WDR81: variants seen among roughly 807,000 people sequenced by gnomAD.
WDR81 encodes WD repeat-containing protein 81.
Under a neutral mutation model 140.8 loss-of-function variants are expected in WDR81, and 92 were observed. That is an observed-to-expected ratio of 0.65 (90% CI 0.55 to 0.78). The LOEUF (loss-of-function observed/expected upper bound fraction) is 0.78. Among genes scored for constraint, WDR81 ranks in the 30% least tolerant of loss-of-function variants. The pLI is 0.00. For missense variants in WDR81, 2,502 were observed against 2,636.4 expected (o/e 0.95, Z 1.12); for synonymous variants, 1,183 against 1,156.4 (o/e 1.02, Z -0.47).
chr17:1,735,973 G>T lies in WDR81; in HGVS notation c.5326-66G>T. 1 of 1,531,010 alleles carries T rather than the reference G, an allele frequency of 6.5e-7. No homozygotes were observed. The highest frequency in any genetic ancestry group is 1.2e-5 in the South Asian group (1 of 80,480). 94.8% of individuals were successfully genotyped at this position (1,531,010 alleles called of 1,614,324 possible). ...TTCCTGCTGTGTGGGCTTGGGTGGT[G>T]GGCAGGGCCTTGGGGAGTGTGAGAT... is the stretch of plus-strand genomic sequence containing the variant. On this transcript the variant is annotated intron_variant, in intron 8 of 9. Transcript: ENST00000409644. This position sits in a 1 kb window ranked among gnomAD's most constrained non-coding sequence, Gnocchi z 4.2.
In WDR81 at chr17:1,733,958, C is replaced by T. The variant is rs1904616411; in HGVS notation, c.4921C>T (p.Leu1641=). The change falls in exon 7 of 10, where the codon CTG becomes TTG. Residue 1641 remains leucine, a synonymous_variant. Transcript: ENST00000409644. ...DAHFHFHQIR[L]QSFPGHSGAV... ...CCACTTTCACTTCCACCAGATCCGCCTGCAGAGCTTCCCGGGCCACTCGGG... is the reference window on the plus strand; with the variant it reads ...CCACTTTCACTTCCACCAGATCCGCTTGCAGAGCTTCCCGGGCCACTCGGG... The T allele has an allele frequency of 2.5e-6, 4 of 1,612,774 alleles. No homozygotes were observed. Among genetic ancestry groups the T allele is most frequent in the Non-Finnish European group, 2.5e-6 (3 of 1,180,004 alleles).
rs1220713596 is a variant in WDR81 at position 1,727,728 on chromosome 17, C to A, written c.2769C>A (p.Ile923=). The A allele has an allele frequency of 2.0e-5, 31 of 1,550,498 alleles. No individual in the cohort carries two copies. Among genetic ancestry groups the A allele is most frequent in the Non-Finnish European group, 2.5e-5 (29 of 1,147,000 alleles). ...ACATCACCCCTGAGGGCCTGGAGATCCTGCTGCCCTTCGTGCTCTCACTCA... is the reference window on the plus strand; with the variant it reads ...ACATCACCCCTGAGGGCCTGGAGATACTGCTGCCCTTCGTGCTCTCACTCA... The part of the protein sequence containing the change: ...LKDITPEGLE[I]LLPFVLSLMS... The change falls in exon 1 of 10, where the codon ATC becomes ATA. Residue 923 remains isoleucine, a synonymous_variant. Coordinates refer to ENST00000409644, the MANE Select transcript of WDR81 (RefSeq NM_001163809.2).
At chr17:1,732,966 G>A in intron 6 of WDR81, 135 bp downstream of exon 6, 1 of 1,178,150 alleles carries the variant, frequency 8.5e-7, no homozygotes, top group South Asian at 1.6e-5. Context: ...AAAGGGATTT[G>A]GCCTCAGACC....
In WDR81 at chr17:1,725,750, T is replaced by C; in HGVS notation, c.791T>C (p.Leu264Pro). The change falls in exon 1 of 10, where the codon CTC (leucine) becomes CCC (proline). Residue 264 changes from leucine to proline, a missense_variant. Around this residue, in one of 3 missense-constraint regions of WDR81, gnomAD observed 547 missense variants for 513.8 expected, o/e 1.06. Transcript: ENST00000409644. ...AGCCAGGCCAAGGTGCTGTTCATTC[T>C]CTTCCGCGTGCTGAGGGCTATGGAC... ...TNSQAKVLFI[L>P]FRVLRAMDAC... The C allele has an allele frequency of 6.4e-7, 1 of 1,550,632 alleles. No individual in the cohort carries two copies. The highest frequency in any genetic ancestry group is 2.4e-5 in the East Asian group (1 of 40,920).
Position 1,728,464 on chromosome 17 carries a change from GA to G in WDR81, c.3506del (p.Glu1169GlyfsTer85). 1 of 1,610,438 alleles carries G rather than the reference GA, an allele frequency of 6.2e-7. No homozygotes were observed. On this transcript the variant is annotated frameshift_variant, in exon 1 of 10. Coordinates refer to ENST00000409644, the MANE Select transcript of WDR81 (RefSeq NM_001163809.2). LOFTEE classifies it high-confidence loss of function. ...EDSCVVLEEE[E>X]GEQEEVTGAS... ...CAGCTGCGTGGTGCTAGAGGAGGAG[GA>G]GGGGGAGCAGGAGGAGGTCACCGGG...
chr17:1,720,714 G>A (rs1914818026), upstream of WDR81, among the ~76,000 whole-genome samples: 2 of 150,642 alleles, frequency 1.3e-5, no homozygotes, highest in East Asian at 2.0e-4. Context: ...GCAGTGAGCC[G>A]AGATCGTGCC....
At position 1,731,201 on chromosome 17, in the gene WDR81, G is replaced by A. The variant is rs771240155; in HGVS notation, c.4100G>A (p.Arg1367Gln). Residue 1367 changes from arginine (R) to glutamine (Q), a missense_variant, in exon 4 of 10, where the codon CGG (arginine) becomes CAG (glutamine). By Grantham distance (43) the Arg-to-Gln change is conservative. Coordinates refer to ENST00000409644, the MANE Select transcript of WDR81 (RefSeq NM_001163809.2). ...SDTTLMDILP[R>Q]ISHEVLLPVL... Reference sequence around the variant, plus strand: ...ACCACACTCATGGACATCCTGCCCCGGATCAGCCATGAGGTCCTGCTGCCC... The same window carrying A: ...ACCACACTCATGGACATCCTGCCCCAGATCAGCCATGAGGTCCTGCTGCCC... 124 of 1,613,454 alleles carry A rather than the reference G, an allele frequency of 7.7e-5. No individual in the cohort carries two copies. Among genetic ancestry groups the A allele is most frequent in the Admixed American group, 3.7e-4 (22 of 59,990 alleles).
Position 1,735,021 on chromosome 17 carries a change from G to A in WDR81, c.5180-551G>A, listed in dbSNP as rs1055404781. On this transcript the variant is annotated intron_variant, in intron 7 of 9. Transcript: ENST00000409644. The surrounding 1 kb of genome is among the most constrained non-coding windows in gnomAD (Gnocchi z 4.2). The stretch of plus-strand genomic sequence containing the variant: ...GCCATGGAAGCAGGAAGGTGGGAGA[G>A]TCAAGAAACATCTTTAGGCCGATGC... 6.6e-6 allele frequency among the ~76,000 whole-genome samples: 1 copy of A among 151,982 alleles called. No homozygotes were observed. The highest frequency in any genetic ancestry group is 1.5e-5 in the Non-Finnish European group (1 of 68,002).
In WDR81 at chr17:1,733,721, G is replaced by T. The variant is rs369455914; in HGVS notation, c.4684G>T (p.Val1562Phe). ...DDGHSGTFGS[V>F]LVGNRIQIPN... ...CGGCCACTCAGGGACCTTTGGGAGC[G>T]TCCTGGTGGGGAACCGCATTCAGAT... is the stretch of plus-strand genomic sequence containing the variant. The change falls in exon 7 of 10, where the codon GTC becomes TTC. Residue 1562 changes from valine (V) to phenylalanine (F), a missense_variant. Physicochemically the swap from Val to Phe is conservative, Grantham distance 50. This residue lies in a region of WDR81 where 1,737 missense variants were observed against 1,843.0 expected (regional missense o/e 0.94). Transcript: ENST00000409644. The T allele has an allele frequency of 1.9e-6, 3 of 1,612,648 alleles. No individual in the cohort carries two copies. In the South Asian group the frequency reaches 3.3e-5, roughly 18 times the overall value.
Position 1,727,079 on chromosome 17 carries a change from C to A in WDR81, c.2120C>A (p.Ala707Asp). Residue 707 changes from alanine to aspartate, a missense_variant, in exon 1 of 10, where the codon GCT becomes GAT. Physicochemically the swap from Ala to Asp is moderately radical, Grantham distance 126. This residue lies in a region of WDR81 where 1,737 missense variants were observed against 1,843.0 expected (regional missense o/e 0.94). Transcript: ENST00000409644. ...ASRPGRRNKA[A>D]GADPGEGEEG... ...CGTCCAGGCCGCAGGAATAAAGCTG[C>A]TGGGGCAGACCCTGGGGAGGGTGAG... is the stretch of plus-strand genomic sequence containing the variant. 1 of 1,549,626 alleles carries A rather than the reference C, an allele frequency of 6.5e-7. No individual in the cohort carries two copies. The highest frequency in any genetic ancestry group is 8.7e-7 in the Non-Finnish European group (1 of 1,146,460).
In WDR81 at chr17:1,733,721, G is replaced by A. The variant is rs369455914; in HGVS notation, c.4684G>A (p.Val1562Ile). 71 of 1,612,648 alleles carry A rather than the reference G, an allele frequency of 4.4e-5. No homozygotes were observed. The highest frequency in any genetic ancestry group is 9.3e-5 in the African/African-American group (7 of 75,044). The change falls in exon 7 of 10, where the codon GTC (valine) becomes ATC (isoleucine). Residue 1562 changes from valine to isoleucine, a missense_variant. This residue lies in a region of WDR81 where 1,737 missense variants were observed against 1,843.0 expected (regional missense o/e 0.94). Transcript: ENST00000409644. ...DDGHSGTFGS[V>I]LVGNRIQIPN... Reference sequence around the variant, plus strand: ...CGGCCACTCAGGGACCTTTGGGAGCGTCCTGGTGGGGAACCGCATTCAGAT... The same window carrying A: ...CGGCCACTCAGGGACCTTTGGGAGCATCCTGGTGGGGAACCGCATTCAGAT...
In WDR81 at chr17:1,738,103, A is replaced by G; in HGVS notation, c.*418A>G. On this transcript the variant is annotated 3_prime_UTR_variant, in exon 10 of 10. Transcript: ENST00000409644. Reference sequence around the variant, plus strand: ...ACTCTCTGTCCCATCCCTCTAGGACAGGGAAGCTGGCCTGGTCCAGGGCAC... The same window carrying G: ...ACTCTCTGTCCCATCCCTCTAGGACGGGGAAGCTGGCCTGGTCCAGGGCAC... 1 of 222,004 alleles carries G rather than the reference A, an allele frequency of 4.5e-6. No individual in the cohort carries two copies. Among genetic ancestry groups the G allele is most frequent in the Non-Finnish European group, 9.0e-6 (1 of 111,204 alleles). The allele number at this position is 222,004 out of a possible 1,614,324, so 13.8% of individuals were successfully genotyped here. A position where few individuals can be genotyped will look rare whatever the true frequency, so the allele number is the denominator to read the frequency against.
rs1036483302 is a variant in WDR81 at position 1,727,495 on chromosome 17, T to C, written c.2536T>C (p.Phe846Leu). The change falls in exon 1 of 10, where the codon TTT becomes CTT. Residue 846 changes from phenylalanine to leucine, a missense_variant. Physicochemically the swap from Phe to Leu is conservative, Grantham distance 22. Transcript: ENST00000409644. Reference protein sequence around the residue: ...GAERGKLDQLFEYRPVSQGLP... With the variant: ...GAERGKLDQLLEYRPVSQGLP... The stretch of plus-strand genomic sequence containing the variant: ...AGAGAGGGGCAAGCTGGACCAACTG[T>C]TTGAGTACAGGCCTGTCTCCCAGGG... 157 of 1,550,246 alleles carry C rather than the reference T, an allele frequency of 1.0e-4. No individual in the cohort carries two copies. Among genetic ancestry groups the C allele is most frequent in the Non-Finnish European group, 1.2e-4 (139 of 1,146,990 alleles).
chr17:1,720,358 G>A (rs903611545), upstream of WDR81, among the ~76,000 whole-genome samples: 1 of 152,206 alleles, frequency 6.6e-6, no homozygotes, highest in Non-Finnish European at 1.5e-5. Flanking sequence ...GGGAAATTCC[G>A]GAAGAGAGCT....
In WDR81 at chr17:1,737,583, C is replaced by A. The variant is rs1307633213; in HGVS notation, c.5724C>A (p.Ser1908Arg). The A allele has an allele frequency of 6.2e-7, 1 of 1,612,772 alleles. No homozygotes were observed. The highest frequency in any genetic ancestry group is 1.1e-5 in the South Asian group (1 of 91,090). The stretch of plus-strand genomic sequence containing the variant: ...CCTCGCAGGCCACCACGAAGCTCAG[C>A]TCTGAGAACTTCCGCGGCACGCTCA... ...EPPSQATTKLSSENFRGTLTS... is the reference protein window; with the variant it reads ...EPPSQATTKLRSENFRGTLTS... Residue 1908 changes from serine (S) to arginine (R), a missense_variant, in exon 10 of 10, where the codon AGC becomes AGA. Physicochemically the swap from Ser to Arg is moderately radical, Grantham distance 110. Transcript: ENST00000409644.
chr17:1,734,970 T>C (rs1036871939), intron 7 of WDR81, among the ~76,000 whole-genome samples: 1 of 151,840 alleles, frequency 6.6e-6, no homozygotes, highest in African/African-American at 2.4e-5. Context: ...GAGAGGAGGT[T>C]GCTTTGGGGA....
chr17:1,731,251 G>C lies in WDR81; in HGVS notation c.4150G>C (p.Val1384Leu). 3 of 1,613,026 alleles carry C rather than the reference G, an allele frequency of 1.9e-6. No homozygotes were observed. The highest frequency in any genetic ancestry group is 2.5e-6 in the Non-Finnish European group (3 of 1,179,786). The change falls in exon 4 of 10, where the codon GTC becomes CTC. Residue 1384 changes from valine (V) to leucine (L), a missense_variant. Transcript: ENST00000409644. ...CGTGCTCAGCTTCCTCACCTCCCTC[G>C]TCACGGGGTAGGCCTCTGCCCCAGC... Reference protein sequence around the residue: ...LPVLSFLTSLVTGFPSGAQAR... With the variant: ...LPVLSFLTSLLTGFPSGAQAR...
Position 1,733,603 on chromosome 17 carries a change from C to A in WDR81, c.4566C>A (p.Ser1522Arg). The change falls in exon 7 of 10, where the codon AGC becomes AGA. Residue 1522 changes from serine to arginine, a missense_variant. Physicochemically the swap from Ser to Arg is moderately radical, Grantham distance 110. Coordinates refer to ENST00000409644, the MANE Select transcript of WDR81 (RefSeq NM_001163809.2). ...CGGCGCTGTACTTGGAGAGCATCAG[C>A]CCCAGCAGTCGCAACCCTGCCAGCG... ...ELAALYLESI[S>R]PSSRNPASVE... 1 of 1,575,466 alleles carries A rather than the reference C, an allele frequency of 6.3e-7. No individual in the cohort carries two copies. Among genetic ancestry groups the A allele is most frequent in the Non-Finnish European group, 8.6e-7 (1 of 1,160,744 alleles).
chr17:1,717,837 A>G (rs1484929239), intron 1 of WDR81, among the ~76,000 whole-genome samples: 1 of 152,154 alleles, frequency 6.6e-6, no homozygotes, highest in Non-Finnish European at 1.5e-5. Flanking sequence ...CTGTTAGCAC[A>G]GTAAATTCAG....
Sources: allele counts gnomAD v4.1 joint callset (sites outside exome capture counted in the v4.1 genomes callset), GRCh38; gene constraint gnomAD v4.1.1; regional missense constraint gnomAD v4.1.1; non-coding constraint Gnocchi (gnomAD v3.1); transcripts MANE v1.5; gene names NCBI Gene and HGNC (gene_info 2026-07-23, HGNC 2026-07-21).